Variants in DLGAP2 observed in about 807,000 individuals in gnomAD.
DLGAP2 encodes the protein disks large-associated protein 2.
DLGAP2 carries 26 observed loss-of-function variants against 100.3 expected under a neutral mutation model. That is an observed-to-expected ratio of 0.26 (90% CI 0.19 to 0.36). The LOEUF (loss-of-function observed/expected upper bound fraction) is 0.36. DLGAP2 is among the 10% of genes least tolerant of loss of function. The pLI is 1.00. For missense variants in DLGAP2, 1,858 were observed against 1,453.2 expected (o/e 1.28, Z -4.53); for synonymous variants, 886 against 630.1 (o/e 1.41, Z -6.08).
intron 5 of DLGAP2, among the ~76,000 whole-genome samples, chr8:1,561,352 A>C (rs59096592): frequency 0.11 from 16,781 of 152,124 alleles, 1,972 homozygotes; most frequent in African/African-American, 0.3. Flanking sequence ...CTCTTTGAAC[A>C]CGTGCAGACC....
At chr8:1,390,682 T>C (rs1796330174) in intron 3 of DLGAP2, among the ~76,000 whole-genome samples, 1 of 152,106 alleles carries the variant, frequency 6.6e-6, no homozygotes, top group African/African-American at 2.4e-5. Context: ...CTGATCTGAG[T>C]CTCTTGTTGG....
chr8:869,859 C>G (rs1422112794), intron 1 of DLGAP2, among the ~76,000 whole-genome samples: 11 of 152,108 alleles, frequency 7.2e-5, no homozygotes, highest in Non-Finnish European at 1.6e-4. Context: ...AACAGCAGGA[C>G]TCTGCTCAGG....
intron 6 of DLGAP2, among the ~76,000 whole-genome samples, chr8:1,580,628 C>G (rs1031969936): frequency 2.6e-5 from 4 of 152,040 alleles, no homozygotes; most frequent in Non-Finnish European, 4.4e-5. Flanking sequence ...ACTGAAGAAC[C>G]TGAGAAAATC....
At chr8:1,546,700 G>A (rs540148042) in intron 4 of DLGAP2, among the ~76,000 whole-genome samples, 2 of 152,250 alleles carry the variant, frequency 1.3e-5, no homozygotes, top group South Asian at 4.1e-4. Context: ...TGTTGCTCAG[G>A]GAGTCAGAGT....
intron 6 of DLGAP2, among the ~76,000 whole-genome samples, chr8:1,586,177 C>T (rs149606544): frequency 2.0e-5 from 3 of 152,372 alleles, no homozygotes; most frequent in Non-Finnish European, 2.9e-5. Context: ...GCCCTCCTTC[C>T]GGGTCTCTCT....
At chr8:1,129,189 A>C in intron 2 of DLGAP2, among the ~76,000 whole-genome samples, 1 of 152,128 alleles carries the variant, frequency 6.6e-6, no homozygotes, top group East Asian at 1.9e-4. Context: ...GTGGATCACA[A>C]GGTCAGGAGT....
At chr8:1,233,108 G>A (rs886191689) in intron 2 of DLGAP2, among the ~76,000 whole-genome samples, 1 of 152,166 alleles carries the variant, frequency 6.6e-6, no homozygotes, top group Non-Finnish European at 1.5e-5. Flanking sequence ...CAGTGCCAGC[G>A]CCTAATAGAC....
chr8:1,389,256 G>A (rs967481727), intron 3 of DLGAP2, among the ~76,000 whole-genome samples: 12 of 140,392 alleles, frequency 8.5e-5, no homozygotes, highest in Non-Finnish European at 1.3e-4. Context: ...ATTGGAAGGC[G>A]ACGTGGCTTC....
At chr8:1,074,828 C>T (rs1585036082) in intron 2 of DLGAP2, among the ~76,000 whole-genome samples, 1 of 152,306 alleles carries the variant, frequency 6.6e-6, no homozygotes, top group East Asian at 1.9e-4. Flanking sequence ...TTCAGTACTG[C>T]CCAACAAAGG....
intron 2 of DLGAP2, among the ~76,000 whole-genome samples, chr8:1,237,670 G>C (rs1202339038): frequency 1.2e-5 from 1 of 80,882 alleles, no homozygotes; most frequent in Non-Finnish European, 2.6e-5. Flanking sequence ...GTCATGTCTA[G>C]TTCTCTCTCA....
intron 2 of DLGAP2, among the ~76,000 whole-genome samples, chr8:1,223,073 T>A (rs1008912806): frequency 1.3e-5 from 2 of 152,162 alleles, no homozygotes; most frequent in African/African-American, 4.8e-5. Context: ...CTCAGAGGTC[T>A]GTGGGGGTCA....
intron 3 of DLGAP2, among the ~76,000 whole-genome samples, chr8:1,363,760 C>T (rs1802039531): frequency 6.6e-6 from 1 of 152,236 alleles, no homozygotes; most frequent in African/African-American, 2.4e-5. Flanking sequence ...GAGATGCATC[C>T]TTGCTGTGTG....
At chr8:1,487,628 A>G (rs965179285) in intron 3 of DLGAP2, among the ~76,000 whole-genome samples, 7 of 152,184 alleles carry the variant, frequency 4.6e-5, no homozygotes, top group African/African-American at 1.7e-4. Flanking sequence ...CTCTCCCTGT[A>G]CATGTGTCTG....
At chr8:1,271,350 C>T (rs767963373) in intron 3 of DLGAP2, among the ~76,000 whole-genome samples, 2 of 152,164 alleles carry the variant, frequency 1.3e-5, no homozygotes, top group Non-Finnish European at 2.9e-5. Context: ...AAATTATGCT[C>T]TTTAAGCACA....
intron 2 of DLGAP2, among the ~76,000 whole-genome samples, chr8:1,093,171 C>T (rs1025776016): frequency 6.6e-6 from 1 of 152,220 alleles, no homozygotes; most frequent in African/African-American, 2.4e-5. Context: ...ATCTCCTTCA[C>T]CCACAGTCCA....
chr8:1,173,006 G>A (rs1168790700), intron 2 of DLGAP2, among the ~76,000 whole-genome samples: 1 of 152,026 alleles, frequency 6.6e-6, no homozygotes, highest in African/African-American at 2.4e-5. Context: ...CCCCATCTTT[G>A]TGGTTTTATC....
At chr8:1,366,544 A>G (rs1246954338) in intron 3 of DLGAP2, among the ~76,000 whole-genome samples, 1 of 152,118 alleles carries the variant, frequency 6.6e-6, no homozygotes, top group Admixed American at 6.5e-5. Flanking sequence ...CTGACCTGGG[A>G]CAAGGCAGAG....
At position 1,268,594 on chromosome 8, in the gene DLGAP2, G is replaced by A. The variant is rs137925273; in HGVS notation, c.106+9711G>A. The stretch of plus-strand genomic sequence containing the variant: ...AATGCCCCCAATTTAACATCTTTCC[G>A]CTGATCTGCTGAGAGTCAAGTATCC... On this transcript the variant is annotated intron_variant, in intron 3 of 14. Transcript: ENST00000637795. 1.8e-3 allele frequency among the ~76,000 whole-genome samples: 275 copies of A among 152,188 alleles called. 1 individual carries two copies. The highest frequency in any genetic ancestry group is 2.7e-3 in the Admixed American group (42 of 15,286).
chr8:740,965 T>A (rs1020349634), intron 1 of DLGAP2, among the ~76,000 whole-genome samples: 1 of 152,208 alleles, frequency 6.6e-6, no homozygotes, highest in Non-Finnish European at 1.5e-5. Context: ...ATTGCCATCA[T>A]GTTGGTTATA....
Sources: allele counts gnomAD v4.1 joint callset (sites outside exome capture counted in the v4.1 genomes callset), GRCh38; gene constraint gnomAD v4.1.1; transcripts MANE v1.5; gene names NCBI Gene and HGNC (gene_info 2026-07-23, HGNC 2026-07-21).